Variants in EBF1 observed in about 807,000 individuals in gnomAD.
EBF1 encodes the protein transcription factor COE1.
A neutral mutation model predicts 68.4 loss-of-function variants in EBF1; 10 were observed. The ratio of observed to expected loss-of-function variants is 0.15; its 90% CI spans 0.09 to 0.25. The LOEUF (loss-of-function observed/expected upper bound fraction) is 0.25, where lower values mean the gene tolerates loss of function less well. EBF1 is among the 10% of genes least tolerant of loss of function. The pLI is 1.00. For missense variants in EBF1, 509 were observed against 794.4 expected (o/e 0.64, Z 4.32); for synonymous variants, 298 against 299.8 (o/e 0.99, Z 0.06).
intron 10 of EBF1, among the ~76,000 whole-genome samples, chr5:158,775,768 ACACACATG>A (rs1775021920): frequency 7.5e-6 from 1 of 133,116 alleles, no homozygotes; most frequent in Admixed American, 8.3e-5. Context: ...ACACACACAC[ACACACATG>A]CACACAGACA....
At chr5:159,081,018 C>T (rs1456676168) in intron 5 of EBF1, among the ~76,000 whole-genome samples, 1 of 152,152 alleles carries the variant, frequency 6.6e-6, no homozygotes, top group African/African-American at 2.4e-5. Flanking sequence ...TCTCGTTCTG[C>T]CACCCAAGCT....
intron 8 of EBF1, among the ~76,000 whole-genome samples, chr5:158,807,258 A>C (rs11746884): frequency 0.078 from 11,938 of 152,164 alleles, 523 homozygotes; most frequent in South Asian, 0.11. Flanking sequence ...CACAAAATCA[A>C]ATGCTCACAG....
At chr5:159,059,715 G>T (rs1006207374) in intron 6 of EBF1, among the ~76,000 whole-genome samples, 2 of 152,176 alleles carry the variant, frequency 1.3e-5, no homozygotes, top group East Asian at 1.9e-4. Flanking sequence ...GAGGAAAACA[G>T]TTCTACTGTA....
Position 159,070,655 on chromosome 5 carries a change from A to G in EBF1, c.554+2741T>C, listed in dbSNP as rs117440067. 1.2e-4 allele frequency among the ~76,000 whole-genome samples: 18 copies of G among 152,324 alleles called. No homozygotes were observed. In the East Asian group the frequency reaches 3.5e-3, roughly 29 times the overall value. ...GTAGTGTTCTCCCAAATTCCGAAGG[A>G]CAAGCAAAGAGAGCTAAAAATTATT... is the stretch of plus-strand genomic sequence containing the variant. On this transcript the variant is annotated intron_variant, in intron 6 of 15. Transcript: ENST00000313708.
At chr5:159,070,733 A>G (rs1035179955) in intron 6 of EBF1, among the ~76,000 whole-genome samples, 1 of 152,224 alleles carries the variant, frequency 6.6e-6, no homozygotes, top group Non-Finnish European at 1.5e-5. Flanking sequence ...TAACGCAAGG[A>G]TGGCCTGTAC....
chr5:158,863,859 A>G (rs968716683), intron 6 of EBF1, among the ~76,000 whole-genome samples: 1 of 152,178 alleles, frequency 6.6e-6, no homozygotes, highest in Non-Finnish European at 1.5e-5. Context: ...CCAAAGTCTC[A>G]TGAAAATATA....
At chr5:158,965,022 G>C (rs1753833198) in intron 6 of EBF1, among the ~76,000 whole-genome samples, 1 of 152,226 alleles carries the variant, frequency 6.6e-6, no homozygotes, top group South Asian at 2.1e-4. Context: ...TTGGTAACCA[G>C]ACTAGAGATA....
At chr5:158,765,268 C>T (rs1199373768) in intron 10 of EBF1, among the ~76,000 whole-genome samples, 1 of 152,126 alleles carries the variant, frequency 6.6e-6, no homozygotes, top group East Asian at 1.9e-4. Flanking sequence ...GAATTACAAG[C>T]TTGCTGAAAA....
chr5:158,917,818 T>G (rs1417782670), intron 6 of EBF1, among the ~76,000 whole-genome samples: 2 of 152,152 alleles, frequency 1.3e-5, no homozygotes, highest in East Asian at 3.9e-4. Context: ...CCTCAAGGGA[T>G]GCACTGAAGG....
intron 7 of EBF1, 25 bp from the exon 8 acceptor site, chr5:158,823,342 T>G (rs781097943): frequency 1.9e-6 from 3 of 1,588,890 alleles, no homozygotes; most frequent in Non-Finnish European, 2.6e-6. Flanking sequence ...AAGAAATGAA[T>G]GAACATTTTA....
At chr5:159,065,209 T>C (rs1425081940) in intron 6 of EBF1, among the ~76,000 whole-genome samples, 11 of 152,032 alleles carry the variant, frequency 7.2e-5, no homozygotes, top group Non-Finnish European at 1.6e-4. Context: ...GATATTCAGG[T>C]GGAGTAATAA....
At position 158,696,463 on chromosome 5, in the gene EBF1, G is replaced by A. The variant is rs938713015; in HGVS notation, c.*2648C>T. On this transcript the variant is annotated 3_prime_UTR_variant, in exon 16 of 16. Transcript: ENST00000313708. ...AGTGTCTGTTGTCAAGGTCTAAGCCGGACACCTTCCCGGCTGACCGTTCAT... is the reference window on the plus strand; with the variant it reads ...AGTGTCTGTTGTCAAGGTCTAAGCCAGACACCTTCCCGGCTGACCGTTCAT... 3.2e-5 allele frequency: 7 copies of A among 222,126 alleles called. No individual in the cohort carries two copies. The highest frequency in any genetic ancestry group is 4.5e-5 in the Non-Finnish European group (5 of 111,224). The allele number at this position is 222,126 out of a possible 1,614,324, so 13.8% of individuals were successfully genotyped here.
intron 6 of EBF1, among the ~76,000 whole-genome samples, chr5:158,881,446 C>T (rs1798885359): frequency 6.6e-6 from 1 of 152,182 alleles, no homozygotes; most frequent in Non-Finnish European, 1.5e-5. Context: ...CTGCCCCTGG[C>T]TACAGATGGG....
intron 8 of EBF1, among the ~76,000 whole-genome samples, chr5:158,805,795 G>A (rs1490019564): frequency 6.6e-6 from 1 of 151,948 alleles, no homozygotes; most frequent in Non-Finnish European, 1.5e-5. Context: ...ATTAGATGAT[G>A]TATAATTCCA....
At chr5:158,723,414 C>T (rs1762340138) in intron 11 of EBF1, among the ~76,000 whole-genome samples, 1 of 152,106 alleles carries the variant, frequency 6.6e-6, no homozygotes, top group Admixed American at 6.6e-5. Context: ...CCTCTGTGTC[C>T]TCATCTGTAA....
At chr5:158,708,269 G>T (rs1310509989) in intron 14 of EBF1, 96 bp from the exon 15 acceptor site, 16 of 1,268,886 alleles carry the variant, frequency 1.3e-5, no homozygotes, top group Non-Finnish European at 1.7e-5. Flanking sequence ...ACCTTGCTCT[G>T]CCCTGCTCAG....
At chr5:158,874,781 AG>A (rs1198729164) in intron 6 of EBF1, among the ~76,000 whole-genome samples, 1 of 152,084 alleles carries the variant, frequency 6.6e-6, no homozygotes, top group Non-Finnish European at 1.5e-5. Context: ...AAGGGAGAGG[AG>A]GAAAAAAAAG....
chr5:158,789,192 A>G (rs995797708), intron 9 of EBF1, among the ~76,000 whole-genome samples: 4 of 152,214 alleles, frequency 2.6e-5, no homozygotes, highest in Non-Finnish European at 5.9e-5. Flanking sequence ...GGTTAAATAT[A>G]GGACATGAAA....
At chr5:158,801,881 A>T (rs976765974) in intron 8 of EBF1, among the ~76,000 whole-genome samples, 13 of 152,188 alleles carry the variant, frequency 8.5e-5, no homozygotes, top group Non-Finnish European at 1.5e-4. Context: ...AATAAGTGTT[A>T]CATGATTCAA....
Sources: gnomAD v4.1 joint callset for allele counts (sites outside exome capture counted in the v4.1 genomes callset) on GRCh38, gnomAD v4.1.1 for gene constraint, MANE v1.5 for transcripts, NCBI Gene and HGNC (gene_info 2026-07-23, HGNC 2026-07-21) for gene names.